The following NOMO1 variants were observed in gnomAD, a reference collection of about 807,000 sequenced individuals.
NOMO1 encodes nodal modulator 3.
Under a neutral mutation model 133.8 loss-of-function variants are expected in NOMO1, and 40 were observed. The ratio of observed to expected loss-of-function variants is 0.30; its 90% CI spans 0.23 to 0.39. NOMO1 has a LOEUF of 0.39. Ranked by LOEUF, NOMO1 falls within the 10% of genes least tolerant of loss-of-function variation. The probability of loss-of-function intolerance (pLI) is 1.00; values close to 1 mark genes in which losing one functional copy is unlikely to be tolerated. For synonymous variants in NOMO1, 236 were observed against 570.5 expected (o/e 0.41, Z 8.36); for missense variants, 462 against 1,419.9 (o/e 0.33, Z 10.84).
At chr16:14,864,542 C>A (rs1209332414) in intron 12 of NOMO1, 43 bp from the exon 13 acceptor site, 20 of 1,612,194 alleles carry the variant, frequency 1.2e-5, no homozygotes, top group Non-Finnish European at 1.7e-5. Context: ...GGGGGAAGAT[C>A]TCCCCGAATG....
chr16:14,866,458 T>G, intron 14 of NOMO1, 97 bp from the exon 15 acceptor site: 1 of 1,607,270 alleles, frequency 6.2e-7, no homozygotes, highest in South Asian at 1.1e-5. Flanking sequence ...CACCTGCTTT[T>G]TAAAATTGAT....
intron 20 of NOMO1, among the ~76,000 whole-genome samples, 160 bp downstream of exon 20, chr16:14,875,582 TGGATGGATGGATGGTTG>T (rs1964147057): frequency 2.1e-5 from 2 of 97,400 alleles, no homozygotes; most frequent in Non-Finnish European, 5.9e-5. Flanking sequence ...GATGGATGGA[TGGATGGATGGATGGTTG>T]GGTTGGATGG....
rs766492307 is a variant in NOMO1, at chr16:14,846,634, A to T, written c.460A>T (p.Thr154Ser). 3.7e-6 allele frequency: 5 copies of T among 1,360,222 alleles called. No individual in the cohort carries two copies. The African/African-American group carries it at 8.0e-5, about 22-fold the overall frequency. 84.3% of individuals were successfully genotyped at this position (1,360,222 alleles called of 1,614,324 possible). A position where few individuals can be genotyped will look rare whatever the true frequency, so the allele number is the denominator to read the frequency against. Residue 154 changes from threonine (T) to serine (S), a missense_variant, in exon 5 of 31, where the codon ACT becomes TCT. Thr to Ser is a moderately conservative substitution (Grantham distance 58). Transcript: ENST00000287667. ...PAGVQVSLRNTGTEAKIQSTV... is the reference protein window; with the variant it reads ...PAGVQVSLRNSGTEAKIQSTV... The stretch of plus-strand genomic sequence containing the variant: ...GGGAGTTCAGGTGTCTCTGAGAAAC[A>T]CTGGGACCGAAGCAAAGATCCAGTC...
intron 12 of NOMO1, 48 bp downstream of exon 12, chr16:14,863,235 AT>A: frequency 8.6e-7 from 1 of 1,162,348 alleles, no homozygotes; most frequent in Non-Finnish European, 1.2e-6. Flanking sequence ...AAAAGCAGTG[AT>A]TTTTAGAAGG....
intron 11 of NOMO1, among the ~76,000 whole-genome samples, chr16:14,859,177 A>G (rs1446444877): frequency 6.6e-6 from 1 of 151,954 alleles, no homozygotes; most frequent in Non-Finnish European, 1.5e-5. Context: ...ACAGGAGCTA[A>G]GAAAGTAAGT....
chr16:14,871,621 G>A lies in NOMO1; in HGVS notation c.1895G>A (p.Gly632Asp). The change falls in exon 17 of 31, where the codon GGT becomes GAT. Residue 632 changes from glycine to aspartate, a missense_variant and splice_region_variant. By Grantham distance (94) the Gly-to-Asp change is moderately conservative (BLOSUM62 -1). Transcript: ENST00000287667. The part of the protein sequence containing the change: ...GVNRFCLSKP[G>D]VYKVTPRSCH... ...ATTACTTTTGATTTCCTGTCTGTAG[G>A]TGTGTACAAAGTGACCCCTCGCTCC... 1 of 1,610,872 alleles carries A rather than the reference G, an allele frequency of 6.2e-7. No individual in the cohort carries two copies. The highest frequency in any genetic ancestry group is 8.5e-7 in the Non-Finnish European group (1 of 1,179,484).
chr16:14,884,926 G>C (rs566275097), intron 27 of NOMO1, among the ~76,000 whole-genome samples: 1 of 152,120 alleles, frequency 6.6e-6, no homozygotes, highest in South Asian at 2.1e-4. Flanking sequence ...GGTTTCATTG[G>C]CTCCTCGTTC....
chr16:14,883,345 T>C (rs1461197780), intron 26 of NOMO1, among the ~76,000 whole-genome samples: 17 of 150,942 alleles, frequency 1.1e-4, no homozygotes, highest in Non-Finnish European at 4.4e-5. Context: ...TTTTCTTTTT[T>C]TTTTTTTTTG....
chr16:14,892,304 G>A (rs1964416629), intron 29 of NOMO1, among the ~76,000 whole-genome samples: 1 of 151,922 alleles, frequency 6.6e-6, no homozygotes, highest in Admixed American at 6.6e-5. Context: ...CCTTTGCTTG[G>A]GGCTGCACTG....
rs1382789324 is a variant in NOMO1 at position 14,870,356 on chromosome 16, G to C, written c.1895-1265G>C. On this transcript the variant is annotated intron_variant, in intron 16 of 30. Coordinates refer to ENST00000287667, the MANE Select transcript of NOMO1 (RefSeq NM_014287.4). The stretch of plus-strand genomic sequence containing the variant: ...CTTATGTTTAAAGGAGAAAGTCAAG[G>C]AGAGGGCAGGCAAACATTTCCTTGC... Among the ~76,000 whole-genome samples the C allele has an allele frequency of 7.3e-5, 11 of 151,496 alleles. 1 individual carries two copies. The highest frequency in any genetic ancestry group is 2.7e-4 in the African/African-American group (11 of 41,020).
intron 1 of NOMO1, among the ~76,000 whole-genome samples, chr16:14,834,695 T>G (rs1458795930): frequency 2.0e-5 from 3 of 147,138 alleles, no homozygotes; most frequent in Admixed American, 6.7e-5. Context: ...AGGTTTTTTT[T>G]TTTTTTTTTT....
intron 29 of NOMO1, among the ~76,000 whole-genome samples, chr16:14,894,211 A>C (rs1419634344): frequency 6.6e-6 from 1 of 152,026 alleles, no homozygotes; most frequent in Non-Finnish European, 1.5e-5. Flanking sequence ...CCAAGGCGTC[A>C]GGGGACCCAG....
chr16:14,835,392 C>T (rs1468775193), intron 1 of NOMO1, among the ~76,000 whole-genome samples: 1 of 151,034 alleles, frequency 6.6e-6, no homozygotes, highest in African/African-American at 2.5e-5. Flanking sequence ...GGACAGGACG[C>T]GTTCAGGGTG....
At chr16:14,849,939 G>T (rs1963733098) in intron 6 of NOMO1, among the ~76,000 whole-genome samples, 1 of 122,942 alleles carries the variant, frequency 8.1e-6, no homozygotes, top group Non-Finnish European at 1.6e-5. Context: ...TTGCTCTGTT[G>T]CCCAGGCTAG....
chr16:14,871,141 C>T (rs1460689658), intron 16 of NOMO1, among the ~76,000 whole-genome samples: 2 of 151,876 alleles, frequency 1.3e-5, no homozygotes, highest in South Asian at 4.2e-4. Flanking sequence ...TACCCCTAGC[C>T]GGAGTGTCCT....
intron 22 of NOMO1, among the ~76,000 whole-genome samples, chr16:14,878,157 G>A (rs1292279975): frequency 6.7e-6 from 1 of 149,408 alleles, no homozygotes; most frequent in East Asian, 2.0e-4. Context: ...TTGCCAGTCT[G>A]TGAACAATAA....
At chr16:14,878,997 C>T (rs1056340990) in intron 23 of NOMO1, among the ~76,000 whole-genome samples, 163 bp downstream of exon 23, 3 of 151,940 alleles carry the variant, frequency 2.0e-5, no homozygotes, top group African/African-American at 7.3e-5. Flanking sequence ...TGCTCTTACT[C>T]GAACTTAATG....
At chr16:14,837,532 T>C (rs1167546915) in intron 1 of NOMO1, among the ~76,000 whole-genome samples, 2 of 151,778 alleles carry the variant, frequency 1.3e-5, no homozygotes, top group African/African-American at 4.8e-5. Flanking sequence ...GTAAGAGTTT[T>C]AGAGAGTCCT....
At chr16:14,853,025 TATC>T (rs1963783097) in intron 7 of NOMO1, 1 of 194,002 alleles carries the variant, frequency 5.2e-6, no homozygotes, top group Non-Finnish European at 1.0e-5. Flanking sequence ...AATTCAAGAA[TATC>T]ATGTGTCTCT....
Sources: allele counts gnomAD v4.1 joint callset (sites outside exome capture counted in the v4.1 genomes callset), GRCh38; gene constraint gnomAD v4.1.1; transcripts MANE v1.5; gene names NCBI Gene and HGNC (gene_info 2026-07-23, HGNC 2026-07-21).